The following LRRC28 variants were observed in gnomAD, a reference collection of about 807,000 sequenced individuals.
LRRC28 encodes leucine rich repeat containing 28.
Under a neutral mutation model 45.7 loss-of-function variants are expected in LRRC28, and 39 were observed. The observed-to-expected ratio is 0.85, with a 90% CI of 0.66 to 1.12. The LOEUF (loss-of-function observed/expected upper bound fraction) is 1.12, where lower values mean the gene tolerates loss of function less well. Among genes scored for constraint, LRRC28 ranks in the 50% most tolerant of loss-of-function variants. The pLI is 0.00. For missense variants in LRRC28, 435 were observed against 438.5 expected (o/e 0.99, Z 0.07); for synonymous variants, 206 against 178.8 (o/e 1.15, Z -1.22).
At chr15:99,270,184 T>C (rs2081437739) in intron 2 of LRRC28, among the ~76,000 whole-genome samples, 1 of 152,224 alleles carries the variant, frequency 6.6e-6, no homozygotes, top group Non-Finnish European at 1.5e-5. Context: ...GCTTGTTAAG[T>C]GTGTTGTGGT....
chr15:99,285,041 G>T (rs2081920988), intron 3 of LRRC28: 1 of 656,658 alleles, frequency 1.5e-6, no homozygotes, highest in African/African-American at 1.8e-5. Flanking sequence ...GGCTTTGATG[G>T]GGCTTTCCTG....
chr15:99,263,067 T>C (rs1441554011), intron 2 of LRRC28, among the ~76,000 whole-genome samples: 1 of 150,968 alleles, frequency 6.6e-6, no homozygotes, highest in Non-Finnish European at 1.5e-5. Context: ...CCTAGCACTT[T>C]GGGATGCTGA....
At chr15:99,252,200 G>C (rs1373552905) in intron 1 of LRRC28, among the ~76,000 whole-genome samples, 2 of 152,216 alleles carry the variant, frequency 1.3e-5, no homozygotes, top group Non-Finnish European at 2.9e-5. Context: ...ACAAGAGGTA[G>C]TTTGCTTAAC....
intron 3 of LRRC28, chr15:99,285,514 C>T (rs1172631029): frequency 1.9e-6 from 2 of 1,078,346 alleles, no homozygotes; most frequent in South Asian, 1.4e-5. Context: ...TGTTTCAAAG[C>T]TCAGGCCTCC....
intron 5 of LRRC28, among the ~76,000 whole-genome samples, chr15:99,289,801 C>T (rs991908697): frequency 4.0e-5 from 6 of 149,598 alleles, no homozygotes; most frequent in Admixed American, 1.3e-4. Flanking sequence ...GGCGCGGTGG[C>T]GGGCGCCTGT....
chr15:99,375,531 T>A (rs1386915722), intron 9 of LRRC28, among the ~76,000 whole-genome samples: 2 of 152,206 alleles, frequency 1.3e-5, no homozygotes, highest in South Asian at 2.1e-4. Flanking sequence ...CTGAAGAAAT[T>A]GTGTAAAACT....
At chr15:99,251,707 C>G (rs1341106734) in intron 1 of LRRC28, 166 bp downstream of exon 1, 3 of 152,282 alleles carry the variant, frequency 2.0e-5, no homozygotes, top group African/African-American at 7.2e-5. Context: ...CCGGGTCCTC[C>G]TCCCACTCTG....
chr15:99,259,014 A>T (rs2081112216), intron 2 of LRRC28: 1 of 796,024 alleles, frequency 1.3e-6, no homozygotes, highest in East Asian at 2.4e-5. Context: ...CTTGTTCATA[A>T]AACTCTGGAC....
chr15:99,276,014 G>A (rs2081608135), intron 2 of LRRC28, among the ~76,000 whole-genome samples: 1 of 152,014 alleles, frequency 6.6e-6, no homozygotes. Context: ...ATCAGCAGCA[G>A]CATTAGATTC....
rs981250368 is a variant in LRRC28 at position 99,389,968 on chromosome 15, A to G, written c.*3866A>G. 3 of 152,332 alleles carry G rather than the reference A, an allele frequency of 2.0e-5. No homozygotes were observed. The highest frequency in any genetic ancestry group is 7.2e-5 in the African/African-American group (3 of 41,452). The allele number at this position is 152,332 out of a possible 1,614,324, so 9.4% of individuals were successfully genotyped here. ...CCCATCTCTACTAAAAATACAAAAA[A>G]TTAGCCAGGCGTGGTGGCGCGCACC... On this transcript the variant is annotated 3_prime_UTR_variant, in exon 10 of 10. Transcript: ENST00000301981.
intron 5 of LRRC28, among the ~76,000 whole-genome samples, chr15:99,292,513 C>T (rs183194440): frequency 0.053 from 8,068 of 151,436 alleles, 283 homozygotes; most frequent in Admixed American, 0.11. Flanking sequence ...TACAGGCGCC[C>T]GCCACCGCGC....
intron 9 of LRRC28, among the ~76,000 whole-genome samples, chr15:99,383,389 C>T (rs900061294): frequency 5.9e-5 from 9 of 152,186 alleles, no homozygotes; most frequent in African/African-American, 2.2e-4. Context: ...TCAAAGCTTG[C>T]CTGTGCTTAT....
intron 7 of LRRC28, among the ~76,000 whole-genome samples, chr15:99,357,964 G>T (rs1405612703): frequency 6.6e-6 from 1 of 151,606 alleles, no homozygotes; most frequent in Non-Finnish European, 1.5e-5. Flanking sequence ...AATGCAATAA[G>T]ATGGAAAAAA....
chr15:99,251,713 C>T (rs2080794934), intron 1 of LRRC28, 172 bp downstream of exon 1: 1 of 152,276 alleles, frequency 6.6e-6, no homozygotes, highest in Admixed American at 6.5e-5. Context: ...CCTCCTCCCA[C>T]TCTGCGGCCC....
chr15:99,283,385 G>A (rs1258311656), intron 3 of LRRC28, among the ~76,000 whole-genome samples: 1 of 150,272 alleles, frequency 6.7e-6, no homozygotes, highest in Non-Finnish European at 1.5e-5. Flanking sequence ...AGGCCGAGGT[G>A]GGTGGATCAC....
chr15:99,293,106 C>G (rs971287285), intron 5 of LRRC28, among the ~76,000 whole-genome samples: 1 of 152,158 alleles, frequency 6.6e-6, no homozygotes, highest in African/African-American at 2.4e-5. Context: ...TTCACAATAT[C>G]CTCCCTTAAC....
chr15:99,266,124 T>G (rs144515323), intron 2 of LRRC28, among the ~76,000 whole-genome samples: 6 of 152,320 alleles, frequency 3.9e-5, no homozygotes, highest in Admixed American at 6.5e-5. Context: ...TTAAAAATTA[T>G]ATTCCACTTA....
chr15:99,267,196 A>G (rs73471380), intron 2 of LRRC28, among the ~76,000 whole-genome samples: 3,952 of 152,200 alleles, frequency 0.026, 179 homozygotes, highest in African/African-American at 0.09. Context: ...GACATAGATG[A>G]CTCTCTTAGC....
At chr15:99,282,134 G>A (rs1028107402) in intron 3 of LRRC28, among the ~76,000 whole-genome samples, 2 of 143,664 alleles carry the variant, frequency 1.4e-5, no homozygotes, top group Non-Finnish European at 3.0e-5. Context: ...CTAGAATTCA[G>A]CTATGAGTGA....
Sources: gnomAD v4.1 joint callset for allele counts (sites outside exome capture counted in the v4.1 genomes callset) on GRCh38, gnomAD v4.1.1 for gene constraint, MANE v1.5 for transcripts, NCBI Gene and HGNC (gene_info 2026-07-23, HGNC 2026-07-21) for gene names.